Variants in MAN2A1 observed in about 807,000 individuals in gnomAD.
The protein encoded by MAN2A1 is mannosidase alpha class 2A member 1.
Under a neutral mutation model 142.6 loss-of-function variants are expected in MAN2A1, and 76 were observed. That is an observed-to-expected ratio of 0.53 (90% CI 0.44 to 0.65). MAN2A1 has a LOEUF of 0.65. MAN2A1 is among the 30% of genes least tolerant of loss of function. The pLI is 0.00. For missense variants in MAN2A1, 1,311 were observed against 1,365.1 expected, an observed-to-expected ratio of 0.96 and a Z score of 0.62; for synonymous variants, 559 against 473.2, an observed-to-expected ratio of 1.18 and a Z score of -2.35.
intron 1 of MAN2A1, among the ~76,000 whole-genome samples, chr5:109,700,613 ATTC>A (rs1263828788): frequency 6.6e-6 from 1 of 152,178 alleles, no homozygotes; most frequent in African/African-American, 2.4e-5. Context: ...TGAAGCAGTC[ATTC>A]TTTTAACAGT....
chr5:109,865,181 T>C (rs1212520461), intron 21 of MAN2A1, 35 bp downstream of exon 21: 2 of 1,460,622 alleles, frequency 1.4e-6, no homozygotes, highest in East Asian at 4.5e-5. Flanking sequence ...TTACTGTTAG[T>C]GTGCTTTGAA....
chr5:109,732,466 G>A (rs1188010213), intron 4 of MAN2A1, among the ~76,000 whole-genome samples: 1 of 152,088 alleles, frequency 6.6e-6, no homozygotes, highest in Non-Finnish European at 1.5e-5. Flanking sequence ...GTAATGCCTA[G>A]GTTTTCTTCT....
At chr5:109,771,902 A>C (rs747252268) in intron 7 of MAN2A1, among the ~76,000 whole-genome samples, 8 of 152,114 alleles carry the variant, frequency 5.3e-5, no homozygotes, top group Non-Finnish European at 8.8e-5. Flanking sequence ...GGGGGGTGCT[A>C]CTGAGACTAC....
At chr5:109,699,232 C>T (rs1183772397) in intron 1 of MAN2A1, among the ~76,000 whole-genome samples, 1 of 152,128 alleles carries the variant, frequency 6.6e-6, no homozygotes, top group East Asian at 1.9e-4. Flanking sequence ...CATTTCTCAC[C>T]CTCCCTCAGC....
At chr5:109,703,591 G>A (rs1183232725) in intron 1 of MAN2A1, among the ~76,000 whole-genome samples, 1 of 151,948 alleles carries the variant, frequency 6.6e-6, no homozygotes, top group African/African-American at 2.4e-5. Flanking sequence ...AAGTAAAGTC[G>A]GTGTGGTTTT....
At chr5:109,733,234 G>A (rs975456325) in intron 4 of MAN2A1, among the ~76,000 whole-genome samples, 1 of 152,140 alleles carries the variant, frequency 6.6e-6, no homozygotes, top group African/African-American at 2.4e-5. Flanking sequence ...ACTTGCTGAA[G>A]TTGCTTATCA....
intron 16 of MAN2A1, among the ~76,000 whole-genome samples, chr5:109,827,613 G>T (rs1424122147): frequency 1.3e-5 from 2 of 152,188 alleles, no homozygotes; most frequent in African/African-American, 2.4e-5. Flanking sequence ...ATTCTCTCCA[G>T]ATTCTGAAAA....
rs189376386 is a variant in MAN2A1 at position 109,826,126 on chromosome 5, G to A, written c.2566+2289G>A. On this transcript the variant is annotated intron_variant, in intron 16 of 21. Transcript: ENST00000261483. Reference sequence around the variant, plus strand: ...TCGCCATGTTGGTCAGGCTGGTCTCGAACTCTTGACCTCAGGTAATCCACC... The same window carrying A: ...TCGCCATGTTGGTCAGGCTGGTCTCAAACTCTTGACCTCAGGTAATCCACC... 3.3e-3 allele frequency among the ~76,000 whole-genome samples: 493 copies of A among 151,608 alleles called. 4 individuals carry two copies. Among genetic ancestry groups the A allele is most frequent in the Middle Eastern group, 0.014 (4 of 294 alleles).
intron 12 of MAN2A1, among the ~76,000 whole-genome samples, chr5:109,802,178 A>T (rs908305490): frequency 7.9e-5 from 12 of 152,116 alleles, no homozygotes; most frequent in Non-Finnish European, 1.6e-4. Context: ...CCTGTGATTT[A>T]TACTGTACTG....
chr5:109,691,578 C>T (rs1750673470), intron 1 of MAN2A1, among the ~76,000 whole-genome samples: 1 of 152,096 alleles, frequency 6.6e-6, no homozygotes, highest in Non-Finnish European at 1.5e-5. Flanking sequence ...CAAAGAATAT[C>T]CTTGCCATTT....
chr5:109,766,902 T>A (rs1215739274), intron 5 of MAN2A1, among the ~76,000 whole-genome samples: 1 of 152,190 alleles, frequency 6.6e-6, no homozygotes, highest in Non-Finnish European at 1.5e-5. Flanking sequence ...AGTCAGTAGT[T>A]CACATTATTG....
intron 4 of MAN2A1, among the ~76,000 whole-genome samples, chr5:109,735,084 A>G (rs1752048560): frequency 6.6e-6 from 1 of 152,178 alleles, no homozygotes; most frequent in Non-Finnish European, 1.5e-5. Flanking sequence ...TATTTAGGAT[A>G]GTTAGCTCTT....
rs1230190290 is a variant in MAN2A1 at position 109,819,694 on chromosome 5, C to A, written c.2135C>A (p.Pro712Gln). 6.2e-7 allele frequency: 1 copy of A among 1,606,378 alleles called. No individual in the cohort carries two copies. Among genetic ancestry groups the A allele is most frequent in the African/African-American group, 1.3e-5 (1 of 74,554 alleles). ...ATCTCTTTTCGAGCACATATACCGC[C>A]ATTGGGACTGAAAGTGTATAAGATT... ...YEISFRAHIP[P>Q]LGLKVYKILE... Residue 712 changes from proline to glutamine, a missense_variant, in exon 14 of 22, where the codon CCA becomes CAA. Pro to Gln is a moderately conservative substitution (Grantham distance 76, BLOSUM62 -1). Coordinates refer to ENST00000261483, the MANE Select transcript of MAN2A1 (RefSeq NM_002372.4).
chr5:109,827,822 C>T lies in MAN2A1; in HGVS notation c.2566+3985C>T, dbSNP rs376207639. On this transcript the variant is annotated intron_variant, in intron 16 of 21. Coordinates refer to ENST00000261483, the MANE Select transcript of MAN2A1 (RefSeq NM_002372.4). Reference sequence around the variant, plus strand: ...AGCAGTTCAGAATTTCTAATGAAGGCGTGGCACGGTGGCTCACACCTGTAA... The same window carrying T: ...AGCAGTTCAGAATTTCTAATGAAGGTGTGGCACGGTGGCTCACACCTGTAA... Among the ~76,000 whole-genome samples, 35 of 152,278 alleles carry T rather than the reference C, an allele frequency of 2.3e-4. No individual in the cohort carries two copies. The East Asian group carries it at 3.7e-3, about 16-fold the overall frequency.
chr5:109,713,735 G>C lies in MAN2A1; in HGVS notation c.351G>C (p.Leu117=), dbSNP rs1351695387. Reference sequence around the variant, plus strand: ...TCTCAGTTGACACTGCAGACTGTCTGTTTGCTTCACAAAGTGGAAGTCACA... The same window carrying C: ...TCTCAGTTGACACTGCAGACTGTCTCTTTGCTTCACAAAGTGGAAGTCACA... ...LSLSVDTADC[L]FASQSGSHNS... Residue 117 remains leucine, a synonymous_variant, in exon 2 of 22, where the codon CTG becomes CTC. Transcript: ENST00000261483. 7.4e-6 allele frequency: 12 copies of C among 1,613,358 alleles called. No individual in the cohort carries two copies. Among genetic ancestry groups the C allele is most frequent in the Non-Finnish European group, 1.0e-5 (12 of 1,179,904 alleles).
intron 5 of MAN2A1, among the ~76,000 whole-genome samples, chr5:109,756,963 G>C (rs1371581047): frequency 1.3e-5 from 2 of 152,208 alleles, no homozygotes; most frequent in East Asian, 3.9e-4. Flanking sequence ...TGAGTTTCCT[G>C]GTCAACAGCA....
chr5:109,778,779 G>A (rs1412656798), intron 8 of MAN2A1, among the ~76,000 whole-genome samples: 1 of 151,930 alleles, frequency 6.6e-6, no homozygotes, highest in Non-Finnish European at 1.5e-5. Context: ...AGTTATATCT[G>A]TTTCTTGTGG....
Position 109,788,915 on chromosome 5 carries a change from T to C in MAN2A1, c.1761-19T>C. The C allele has an allele frequency of 6.8e-6, 8 of 1,182,222 alleles. No homozygotes were observed. The highest frequency in any genetic ancestry group is 1.0e-5 in the Non-Finnish European group (8 of 794,790). The allele number at this position is 1,182,222 out of a possible 1,614,324, so 73.2% of individuals were successfully genotyped here. ...ATTTTTAAATTGTTTCTCAGACTAA[T>C]AAAATTTTTGATTTACAGACTTTTT... On this transcript the variant is annotated intron_variant, in intron 10 of 21. Transcript: ENST00000261483.
At chr5:109,864,932 A>T in intron 20 of MAN2A1, 104 bp from the exon 21 acceptor site, 2 of 805,858 alleles carry the variant, frequency 2.5e-6, no homozygotes, top group South Asian at 3.0e-5. Flanking sequence ...TTCTTGCTAA[A>T]TAAATGTGCT....
Sources: gnomAD v4.1 joint callset for allele counts (sites outside exome capture counted in the v4.1 genomes callset) on GRCh38, gnomAD v4.1.1 for gene constraint, MANE v1.5 for transcripts, NCBI Gene and HGNC (gene_info 2026-07-23, HGNC 2026-07-21) for gene names.